Variants in SMIM7 observed in about 807,000 individuals in gnomAD.
SMIM7 encodes the protein UPF0608 protein C19orf42.
A neutral mutation model predicts 13.3 loss-of-function variants in SMIM7; 12 were observed. That is an observed-to-expected ratio of 0.90 (90% CI 0.58 to 1.46). SMIM7 has a LOEUF of 1.46. Among genes scored for constraint, SMIM7 ranks in the 40% most tolerant of loss-of-function variants. SMIM7 has a pLI of 0.00. For synonymous variants in SMIM7, 36 were observed against 35.8 expected, an observed-to-expected ratio of 1.01 and a Z score of -0.02; for missense variants, 114 against 94.8, an observed-to-expected ratio of 1.20 and a Z score of -0.84.
chr19:16,634,192 AG>A (rs1255716974), intron 4 of SMIM7: 1 of 152,136 alleles, frequency 6.6e-6, no homozygotes, highest in African/African-American at 2.4e-5. Flanking sequence ...CATTATTCTT[AG>A]TACTAAACAG....
At chr19:16,641,404 T>G (rs908327407), downstream of SMIM7, 3 of 151,886 alleles carry the variant, frequency 2.0e-5, no homozygotes, top group African/African-American at 7.3e-5. Flanking sequence ...GTTCAAGTGA[T>G]TCTCCTGCCT....
At chr19:16,649,000 AAC>A (rs943563866) in intron 4 of SMIM7, among the ~76,000 whole-genome samples, 3 of 151,974 alleles carry the variant, frequency 2.0e-5, no homozygotes, top group Admixed American at 6.6e-5. Flanking sequence ...CAGCCTGCGC[AAC>A]AGAGTGAGAC....
At chr19:16,637,225 T>C (rs1203112192) in intron 4 of SMIM7, among the ~76,000 whole-genome samples, 4 of 152,054 alleles carry the variant, frequency 2.6e-5, no homozygotes, top group Admixed American at 1.3e-4. Flanking sequence ...CTTAGGAACA[T>C]AGGTCCTTGA....
intron 3 of SMIM7, among the ~76,000 whole-genome samples, chr19:16,657,607 A>T (rs761086415): frequency 1.3e-5 from 2 of 152,180 alleles, no homozygotes; most frequent in African/African-American, 2.4e-5. Flanking sequence ...CAGTTTCCTG[A>T]TCTGTAAAAT....
At chr19:16,659,834 GAGGGCGGAT>G (rs894119967) in intron 2 of SMIM7, 116 bp downstream of exon 2, 7 of 1,308,462 alleles carry the variant, frequency 5.3e-6, no homozygotes, top group Non-Finnish European at 7.4e-6. Flanking sequence ...GGCGTGCCCA[GAGGGCGGAT>G]AGGGCGGGGC....
intron 4 of SMIM7, among the ~76,000 whole-genome samples, chr19:16,633,512 T>C (rs565140063): frequency 3.3e-5 from 5 of 149,838 alleles, no homozygotes; most frequent in Admixed American, 6.6e-5. Context: ...TGTACACTGC[T>C]GTAAATTAAA....
chr19:16,641,613 C>T (rs1203734675), downstream of SMIM7, among the ~76,000 whole-genome samples: 1 of 151,674 alleles, frequency 6.6e-6, no homozygotes, highest in Non-Finnish European at 1.5e-5. Flanking sequence ...ACAACTTTTT[C>T]TTTTGGAGAC....
At chr19:16,645,575 C>T (rs1490595861), downstream of SMIM7, 1 of 152,036 alleles carries the variant, frequency 6.6e-6, no homozygotes, top group Non-Finnish European at 1.5e-5. Context: ...TGGACTTGAC[C>T]CTGGTCTAGC....
In SMIM7 at chr19:16,659,443, T is replaced by C; in HGVS notation, c.73A>G (p.Lys25Glu). 6.2e-7 allele frequency: 1 copy of C among 1,613,260 alleles called. No homozygotes were observed. Among genetic ancestry groups the C allele is most frequent in the Non-Finnish European group, 8.5e-7 (1 of 1,179,732 alleles). The change falls in exon 3 of 5, where the codon AAG (lysine) becomes GAG (glutamate). Residue 25 changes from lysine (K) to glutamate (E), a missense_variant. By Grantham distance (56) the Lys-to-Glu change is moderately conservative. Coordinates refer to ENST00000487416, the MANE Select transcript of SMIM7 (RefSeq NM_024104.4). ...TCCCCAAAGCCCTGCGTGTCCTTCTTTTTCCTACAAAGAGGAGCAGACAGT... is the reference window on the plus strand; with the variant it reads ...TCCCCAAAGCCCTGCGTGTCCTTCTCTTTCCTACAAAGAGGAGCAGACAGT... ...AGAVLNFKLK[K>E]KDTQGFGEES...
chr19:16,655,320 C>A (rs1198661545), intron 3 of SMIM7: 1 of 456,072 alleles, frequency 2.2e-6, no homozygotes, highest in Admixed American at 2.4e-5. Context: ...GACCTGGGTT[C>A]TAGACCCTTC....
At chr19:16,652,815 G>A (rs993882753) in intron 4 of SMIM7, 30 of 1,546,462 alleles carry the variant, frequency 1.9e-5, no homozygotes, top group South Asian at 7.2e-5. Flanking sequence ...ATACAGGGAT[G>A]GACCCACAGA....
chr19:16,659,737 G>A lies in SMIM7; in HGVS notation c.68+222C>T, dbSNP rs942311378. ...GGATGGGGCTTAAGCTCTCCAGGAA[G>A]GTGAACAGAGGGACAACCAAGGAAC... On this transcript the variant is annotated intron_variant, in intron 2 of 4. Transcript: ENST00000487416. 13 of 672,034 alleles carry A rather than the reference G, an allele frequency of 1.9e-5. No homozygotes were observed. The Admixed American group carries it at 2.2e-4, about 11-fold the overall frequency. 41.6% of individuals were successfully genotyped at this position (672,034 alleles called of 1,614,324 possible). A position where few individuals can be genotyped will look rare whatever the true frequency, so the allele number is the denominator to read the frequency against.
intron 4 of SMIM7, 32 bp downstream of exon 4, chr19:16,654,003 G>C: frequency 6.3e-7 from 1 of 1,585,952 alleles, no homozygotes; most frequent in Non-Finnish European, 8.6e-7. Context: ...ACTAAGAGAC[G>C]ACAGTGAAAG....
At chr19:16,647,494 C>T (rs531944667) in intron 4 of SMIM7, among the ~76,000 whole-genome samples, 13 of 149,972 alleles carry the variant, frequency 8.7e-5, no homozygotes, top group South Asian at 4.3e-4. Flanking sequence ...CTGGCTCTGC[C>T]GCCCAGGCTG....
intron 4 of SMIM7, among the ~76,000 whole-genome samples, chr19:16,636,798 A>T (rs977299433): frequency 1.3e-5 from 2 of 151,590 alleles, no homozygotes; most frequent in Non-Finnish European, 2.9e-5. Context: ...CAAAAAAAAT[A>T]AAAAAATAGC....
chr19:16,634,219 T>A lies in SMIM7; in HGVS notation c.*138-2495A>T, dbSNP rs376211453. ...TACTAAACAGAGTGACAACAGGGAG[T>A]GACATTTGTTGAGGACCTACGATGT... On this transcript the variant is annotated intron_variant and NMD_transcript_variant, in intron 4 of 4. Coordinates refer to the SMIM7 transcript ENST00000465250. 7.9e-5 allele frequency: 12 copies of A among 152,042 alleles called. 1 individual carries two copies. In the East Asian group the frequency reaches 2.1e-3, roughly 27 times the overall value. 9.4% of individuals were successfully genotyped at this position (152,042 alleles called of 1,614,324 possible).
chr19:16,652,793 T>C (rs1224450267), intron 4 of SMIM7: 7 of 1,525,494 alleles, frequency 4.6e-6, no homozygotes, highest in Non-Finnish European at 6.2e-6. Flanking sequence ...CCTCTCTCTT[T>C]CTGGGGGAAG....
chr19:16,637,996 G>C (rs564434168), intron 4 of SMIM7, among the ~76,000 whole-genome samples: 7 of 152,146 alleles, frequency 4.6e-5, no homozygotes, highest in African/African-American at 1.7e-4. Context: ...GGTGGCTCAC[G>C]CCTGTAATCC....
At chr19:16,659,914 A>G (rs371996316) in intron 2 of SMIM7, 45 bp downstream of exon 2, 29 of 1,583,342 alleles carry the variant, frequency 1.8e-5, no homozygotes, top group Admixed American at 3.6e-5. Context: ...GGGCGGGGCT[A>G]CGGGTTCCCC....
Sources: gnomAD v4.1 joint callset for allele counts (sites outside exome capture counted in the v4.1 genomes callset) on GRCh38, gnomAD v4.1.1 for gene constraint, MANE v1.5 for transcripts, NCBI Gene and HGNC (gene_info 2026-07-23, HGNC 2026-07-21) for gene names.